CHD6: variants seen among roughly 807,000 people sequenced by gnomAD.
CHD6 encodes the protein chromodomain helicase DNA binding protein 6, also known as ATP-dependent chromatin remodeler CHD6.
A neutral mutation model predicts 276.9 loss-of-function variants in CHD6; 50 were observed. That is an observed-to-expected ratio of 0.18 (90% CI 0.14 to 0.23). The LOEUF is 0.23. Among genes scored for constraint, CHD6 ranks in the 10% least tolerant of loss-of-function variants. The pLI, the probability that CHD6 is intolerant of heterozygous loss-of-function variation, is 1.00. For missense variants in CHD6, 2,564 were observed against 3,365.8 expected (o/e 0.76, Z 5.89); for synonymous variants, 1,173 against 1,229.3 (o/e 0.95, Z 0.96).
chr20:41,575,532 AG>A (rs919585419), intron 1 of CHD6, among the ~76,000 whole-genome samples: 1 of 152,228 alleles, frequency 6.6e-6, no homozygotes, highest in African/African-American at 2.4e-5. Context: ...CTGGTGCCAA[AG>A]GAGGGCCCAT....
chr20:41,432,157 T>G, intron 27 of CHD6, among the ~76,000 whole-genome samples: 1 of 98,418 alleles, frequency 1.0e-5, no homozygotes, highest in Non-Finnish European at 1.7e-5. Flanking sequence ...TAAAACTCCG[T>G]CTCAAAAAAA....
chr20:41,537,913 G>C (rs1210069818), intron 2 of CHD6, among the ~76,000 whole-genome samples: 2 of 152,270 alleles, frequency 1.3e-5, no homozygotes, highest in Non-Finnish European at 2.9e-5. Flanking sequence ...GAAAACAGGT[G>C]TTTAAACAAA....
intron 27 of CHD6, among the ~76,000 whole-genome samples, chr20:41,434,392 A>G (rs2047639624): frequency 6.6e-6 from 1 of 152,122 alleles, no homozygotes; most frequent in Non-Finnish European, 1.5e-5. Flanking sequence ...TTTTTTTGAG[A>G]CAGAATCTCG....
Position 41,564,216 on chromosome 20 carries a change from T to A in CHD6, c.-23-12856A>T. 6.7e-6 allele frequency: 4 copies of A among 598,438 alleles called. No individual in the cohort carries two copies. The South Asian group carries it at 8.7e-5, about 13-fold the overall frequency. The allele number at this position is 598,438 out of a possible 1,614,324, so 37.1% of individuals were successfully genotyped here. A position where few individuals can be genotyped will look rare whatever the true frequency, so the allele number is the denominator to read the frequency against. On this transcript the variant is annotated intron_variant, in intron 1 of 36. Transcript: ENST00000373233. ...AGCCATCTACAAAATAGCTTAAACA[T>A]GTTTTGGGGCGCTAAAAATGATCTA...
intron 31 of CHD6, among the ~76,000 whole-genome samples, chr20:41,418,983 T>C (rs2047093286): frequency 6.6e-6 from 1 of 152,208 alleles, no homozygotes; most frequent in Admixed American, 6.5e-5. Context: ...ACTCACTTGA[T>C]TGCCTGGGTT....
rs1252686022 is a variant in CHD6, at chr20:41,562,519, C to G, written c.-23-11159G>C. Among the ~76,000 whole-genome samples, 3 of 149,756 alleles carry G rather than the reference C, an allele frequency of 2.0e-5. No individual in the cohort carries two copies. In the East Asian group the frequency reaches 5.9e-4, roughly 29 times the overall value. ...ATTTTTTTTTTTTGTATTATGAATT[C>G]TTTTAGATGCCCAAAAGTTTTCTTT... On this transcript the variant is annotated intron_variant, in intron 1 of 36. Transcript: ENST00000373233.
intron 16 of CHD6, among the ~76,000 whole-genome samples, chr20:41,482,024 A>G (rs1452397320): frequency 6.6e-6 from 1 of 152,066 alleles, no homozygotes; most frequent in Non-Finnish European, 1.5e-5. Flanking sequence ...AGAAACTACA[A>G]TCTTAAGTAA....
At position 41,489,767 on chromosome 20, in the gene CHD6, G is replaced by A. The variant is rs763284339; in HGVS notation, c.1680+11C>T. On this transcript the variant is annotated intron_variant, in intron 12 of 36. Transcript: ENST00000373233. The stretch of plus-strand genomic sequence containing the variant: ...GCAGTCCCTGGGTCTCTGATCTCAC[G>A]TGAGGCTCACCTGGGCGTCTCTGTA... 19 of 1,613,882 alleles carry A rather than the reference G, an allele frequency of 1.2e-5. No homozygotes were observed. Among genetic ancestry groups the A allele is most frequent in the South Asian group, 2.2e-5 (2 of 91,034 alleles).
At chr20:41,486,478 T>G (rs2043417439) in intron 14 of CHD6, among the ~76,000 whole-genome samples, 1 of 152,196 alleles carries the variant, frequency 6.6e-6, no homozygotes, top group African/African-American at 2.4e-5. Flanking sequence ...GAATTAAGTT[T>G]GATTATTCAC....
At chr20:41,482,543 T>G (rs2043318892) in intron 16 of CHD6, 1 of 514,044 alleles carries the variant, frequency 1.9e-6, no homozygotes, top group South Asian at 1.4e-5. Context: ...AAACAAGATT[T>G]TCTTTAGACT....
chr20:41,492,272 CAG>C (rs1311579551), intron 10 of CHD6, among the ~76,000 whole-genome samples: 2 of 152,142 alleles, frequency 1.3e-5, no homozygotes, highest in Non-Finnish European at 2.9e-5. Flanking sequence ...AAGCAGAAAA[CAG>C]TATTTATGGG....
chr20:41,471,631 GT>G, intron 17 of CHD6, among the ~76,000 whole-genome samples: 1 of 152,072 alleles, frequency 6.6e-6, no homozygotes, highest in East Asian at 1.9e-4. Flanking sequence ...CGCCTCGTGG[GT>G]TCATGCCATT....
At chr20:41,433,730 T>C (rs1226856640) in intron 27 of CHD6, among the ~76,000 whole-genome samples, 2 of 152,170 alleles carry the variant, frequency 1.3e-5, no homozygotes, top group Admixed American at 1.3e-4. Flanking sequence ...CCTCTTGAGT[T>C]TTCTAAGTGA....
At chr20:41,572,899 A>G (rs2045433708) in intron 1 of CHD6, among the ~76,000 whole-genome samples, 3 of 152,076 alleles carry the variant, frequency 2.0e-5, no homozygotes, top group Non-Finnish European at 2.9e-5. Context: ...GGACAGTATA[A>G]TTCTAAAGCT....
intron 19 of CHD6, 34 bp downstream of exon 19, chr20:41,455,766 C>G: frequency 2.2e-6 from 3 of 1,379,020 alleles, no homozygotes; most frequent in Non-Finnish European, 2.9e-6. Flanking sequence ...TTTTCTCTCC[C>G]ACCCCCAACA....
chr20:41,570,757 G>A (rs984194686), intron 1 of CHD6, among the ~76,000 whole-genome samples: 7 of 152,200 alleles, frequency 4.6e-5, no homozygotes, highest in African/African-American at 1.7e-4. Flanking sequence ...AGACTAATGT[G>A]ACTCACTTTA....
At chr20:41,523,962 C>T (rs2044465759) in intron 3 of CHD6, among the ~76,000 whole-genome samples, 1 of 152,118 alleles carries the variant, frequency 6.6e-6, no homozygotes, top group Non-Finnish European at 1.5e-5. Context: ...ATAAAATATC[C>T]ATCAGAGCCT....
At chr20:41,424,051 A>C (rs537688372) in intron 29 of CHD6, among the ~76,000 whole-genome samples, 24 of 150,428 alleles carry the variant, frequency 1.6e-4, no homozygotes, top group African/African-American at 5.9e-4. Context: ...TTAAAATACT[A>C]TATATGCTTA....
At chr20:41,417,123 T>C in intron 32 of CHD6, 75 bp downstream of exon 32, 1 of 1,359,948 alleles carries the variant, frequency 7.4e-7, no homozygotes, top group Non-Finnish European at 1.0e-6. Flanking sequence ...GAACTATTTC[T>C]AAAAGGGTTA....
Sources: allele counts gnomAD v4.1 joint callset (sites outside exome capture counted in the v4.1 genomes callset), GRCh38; gene constraint gnomAD v4.1.1; transcripts MANE v1.5; gene names NCBI Gene and HGNC (gene_info 2026-07-23, HGNC 2026-07-21).